Variants in DCHS2 observed in about 807,000 individuals in gnomAD.
DCHS2 encodes protocadherin-23.
In DCHS2, 142 loss-of-function variants were observed where a neutral mutation model predicts 182.4. That is an observed-to-expected ratio of 0.78 (90% CI 0.68 to 0.89). The LOEUF is 0.89. Ranked by LOEUF, DCHS2 falls within the 40% of genes least tolerant of loss-of-function variation. The probability of loss-of-function intolerance (pLI) is 0.00; values close to 1 mark genes in which losing one functional copy is unlikely to be tolerated. For missense variants in DCHS2, 4,319 were observed against 4,198.6 expected, an observed-to-expected ratio of 1.03 and a Z score of -0.79; for synonymous variants, 1,740 against 1,663.3, an observed-to-expected ratio of 1.05 and a Z score of -1.12.
In DCHS2 at chr4:154,439,649, G is replaced by C. The variant is rs566251524; in HGVS notation, c.2052+49655C>G. Reference sequence around the variant, plus strand: ...GTCTGTTATATATGCATTCCATACTGTCATTTTCTTTTTAACTTTGTGCTG... The same window carrying C: ...GTCTGTTATATATGCATTCCATACTCTCATTTTCTTTTTAACTTTGTGCTG... On this transcript the variant is annotated intron_variant, in intron 1 of 19. Coordinates refer to ENST00000357232, the MANE Select transcript of DCHS2 (RefSeq NM_001358235.2). Among the ~76,000 whole-genome samples the C allele has an allele frequency of 4.6e-5, 7 of 152,172 alleles. No homozygotes were observed. The East Asian group carries it at 1.4e-3, about 29-fold the overall frequency.
chr4:154,366,074 A>G (rs546343183), intron 3 of DCHS2, 136 bp downstream of exon 3: 122 of 652,184 alleles, frequency 1.9e-4, no homozygotes, highest in African/African-American at 1.8e-3. Context: ...ATACTTCAGC[A>G]TCTGCTAGAA....
At chr4:154,383,588 T>C (rs1193419582) in intron 1 of DCHS2, among the ~76,000 whole-genome samples, 1 of 152,194 alleles carries the variant, frequency 6.6e-6, no homozygotes, top group Non-Finnish European at 1.5e-5. Flanking sequence ...AGGAGACAAA[T>C]TGAAATCACT....
In DCHS2 at chr4:154,490,258, T is replaced by C. The variant is rs936446648; in HGVS notation, c.1098A>G (p.Arg366=). Residue 366 remains arginine (R), a synonymous_variant, in exon 1 of 20, where the codon CGA becomes CGG. Transcript: ENST00000357232. ...CCTCGCGGTCCAGAGGTCTCCACACTCGCACCACGCCGCTCAGCTCCTCCA... is the reference window on the plus strand; with the variant it reads ...CCTCGCGGTCCAGAGGTCTCCACACCCGCACCACGCCGCTCAGCTCCTCCA... ...FAVEELSGVV[R]VWRPLDREAQ... The C allele has an allele frequency of 4.5e-6, 7 of 1,548,948 alleles. No homozygotes were observed. The highest frequency in any genetic ancestry group is 3.9e-5 in the Admixed American group (2 of 50,948).
At chr4:154,460,018 A>C (rs1352288056) in intron 1 of DCHS2, among the ~76,000 whole-genome samples, 1 of 152,128 alleles carries the variant, frequency 6.6e-6, no homozygotes, top group Non-Finnish European at 1.5e-5. Context: ...TATTAGCATG[A>C]ATAGCTCAGC....
At chr4:154,343,451 T>C (rs1401229769) in intron 3 of DCHS2, 5 of 1,402,700 alleles carry the variant, frequency 3.6e-6, no homozygotes, top group Non-Finnish European at 4.7e-6. Flanking sequence ...TGAAAATCTA[T>C]TGTTTAGTGT....
intron 1 of DCHS2, among the ~76,000 whole-genome samples, chr4:154,423,215 C>T (rs551280524): frequency 7.0e-4 from 107 of 152,332 alleles, no homozygotes; most frequent in South Asian, 2.7e-3. Flanking sequence ...CTCCAGTCCA[C>T]TGGCCTAGCC....
At chr4:154,480,127 C>T (rs1279311661) in intron 1 of DCHS2, among the ~76,000 whole-genome samples, 1 of 152,176 alleles carries the variant, frequency 6.6e-6, no homozygotes, top group Non-Finnish European at 1.5e-5. Context: ...CCAGACAAGT[C>T]AATCTCTAAA....
Position 154,491,288 on chromosome 4 carries a change from A to G in DCHS2, c.68T>C (p.Leu23Pro). Reference protein sequence around the residue: ...QQRRAPVGKLLLLPGRRDTPH... With the variant: ...QQRRAPVGKLPLLPGRRDTPH... Reference sequence around the variant, plus strand: ...TGTATCTCTCCTCCCGGGGAGCAGAAGGAGCTTCCCGACCGGAGCCCGCCG... The same window carrying G: ...TGTATCTCTCCTCCCGGGGAGCAGAGGGAGCTTCCCGACCGGAGCCCGCCG... Residue 23 changes from leucine to proline, a missense_variant, in exon 1 of 20, where the codon CTT (leucine) becomes CCT (proline). Transcript: ENST00000357232. 6.5e-7 allele frequency: 1 copy of G among 1,549,338 alleles called. No individual in the cohort carries two copies. Among genetic ancestry groups the G allele is most frequent in the East Asian group, 2.4e-5 (1 of 40,838 alleles).
chr4:154,392,627 T>G, intron 1 of DCHS2, among the ~76,000 whole-genome samples: 1 of 152,188 alleles, frequency 6.6e-6, no homozygotes, highest in East Asian at 1.9e-4. Context: ...ATTTAGCAGC[T>G]TTGCTTCATG....
rs1375032776 is a variant in DCHS2, at chr4:154,417,196, TGTGTGTGTGAGAGAGAGAGA to T, written c.2053-39772_2053-39753del. ...GTGTGTGTGTGTGTGTGTGTGTGTG[TGTGTGTGTGAGAGAGAGAGA>T]GAGAGAGAGAGAGAGAGAGAGAGAG... On this transcript the variant is annotated intron_variant, in intron 1 of 19. Transcript: ENST00000357232. 4.2e-3 allele frequency among the ~76,000 whole-genome samples: 282 copies of T among 66,998 alleles called. 3 individuals carry two copies. Among genetic ancestry groups the T allele is most frequent in the Non-Finnish European group, 6.6e-3 (200 of 30,248 alleles). 44.0% of individuals were successfully genotyped at this position (66,998 alleles called of 152,430 possible).
chr4:154,262,898 CTGCTGATTTAGACAGTGAGAAA>C (rs1733055646), intron 14 of DCHS2, among the ~76,000 whole-genome samples: 1 of 152,156 alleles, frequency 6.6e-6, no homozygotes, highest in African/African-American at 2.4e-5. Context: ...TCTAAAATTG[CTGCTGATTTAGACAGTGAGAAA>C]TACATGTTTT....
chr4:154,466,334 C>T (rs994217596), intron 1 of DCHS2, among the ~76,000 whole-genome samples: 3 of 152,052 alleles, frequency 2.0e-5, no homozygotes, highest in African/African-American at 7.2e-5. Context: ...AGGTGGTAGC[C>T]GCATATCAGC....
chr4:154,431,008 T>A (rs1202169287), intron 1 of DCHS2, among the ~76,000 whole-genome samples: 1 of 152,220 alleles, frequency 6.6e-6, no homozygotes, highest in African/African-American at 2.4e-5. Context: ...TCAAGTCTCC[T>A]CACCTTGTCC....
At position 154,280,025 on chromosome 4, in the gene DCHS2, C is replaced by A. The variant is rs762941503; in HGVS notation, c.6464-10012G>T. Among the ~76,000 whole-genome samples the A allele has an allele frequency of 2.0e-5, 3 of 151,644 alleles. No homozygotes were observed. The East Asian group carries it at 5.8e-4, about 29-fold the overall frequency. On this transcript the variant is annotated intron_variant, in intron 13 of 19. Transcript: ENST00000357232. ...AAGAGAGAGAGAGAAAAAAATGAAT[C>A]CTTAATTAAAGAGGAGACATTAAAA...
chr4:154,328,205 C>T lies in DCHS2; in HGVS notation c.3919-13G>A, dbSNP rs537751314. On this transcript the variant is annotated splice_polypyrimidine_tract_variant and intron_variant, in intron 6 of 19. Coordinates refer to ENST00000357232, the MANE Select transcript of DCHS2 (RefSeq NM_001358235.2). ...GACCTTCCAGAACCTGCCATTAAAACAAACAGCTTACAAATGAGTCAGCAA... is the reference window on the plus strand; with the variant it reads ...GACCTTCCAGAACCTGCCATTAAAATAAACAGCTTACAAATGAGTCAGCAA... The T allele has an allele frequency of 3.1e-6, 5 of 1,596,882 alleles. No homozygotes were observed. The South Asian group carries it at 5.7e-5, about 18-fold the overall frequency.
At chr4:154,389,516 T>TATA (rs1731575119) in intron 1 of DCHS2, among the ~76,000 whole-genome samples, 4 of 111,124 alleles carry the variant, frequency 3.6e-5, no homozygotes, top group African/African-American at 1.2e-4. Flanking sequence ...AAGACAAAGG[T>TATA]TATATATATA....
intron 2 of DCHS2, among the ~76,000 whole-genome samples, chr4:154,367,348 G>A (rs572181420): frequency 2.0e-5 from 3 of 152,296 alleles, no homozygotes; most frequent in Admixed American, 1.3e-4. Flanking sequence ...CAAGTCCAGA[G>A]TGGATGGGGC....
chr4:154,303,652 T>C (rs776507936), intron 12 of DCHS2, among the ~76,000 whole-genome samples: 6 of 151,950 alleles, frequency 3.9e-5, no homozygotes, highest in Non-Finnish European at 2.9e-5. Flanking sequence ...TGTTAGGAAA[T>C]TGTGAAATAA....
intron 1 of DCHS2, among the ~76,000 whole-genome samples, chr4:154,442,537 C>CACACACA (rs1200014866): frequency 1.3e-5 from 1 of 77,294 alleles, no homozygotes; most frequent in Non-Finnish European, 3.1e-5. Flanking sequence ...ACACCCCCCC[C>CACACACA]CCCCCACACA....
Sources: allele counts gnomAD v4.1 joint callset (sites outside exome capture counted in the v4.1 genomes callset), GRCh38; gene constraint gnomAD v4.1.1; transcripts MANE v1.5; gene names NCBI Gene and HGNC (gene_info 2026-07-23, HGNC 2026-07-21).